Variants in FAM178B observed in about 807,000 individuals in gnomAD.
The protein encoded by FAM178B is protein FAM178B.
Under a neutral mutation model 91.7 loss-of-function variants are expected in FAM178B, and 82 were observed. The ratio of observed to expected loss-of-function variants is 0.89; its 90% confidence interval spans 0.75 to 1.07. FAM178B has a LOEUF of 1.07. Ranked by LOEUF, FAM178B falls within the 50% of genes least tolerant of loss-of-function variation. The pLI is 0.00. For synonymous variants in FAM178B, 368 were observed against 359.4 expected, an observed-to-expected ratio of 1.02 and a Z score of -0.27; for missense variants, 769 against 846.7, an observed-to-expected ratio of 0.91 and a Z score of 1.14.
chr2:96,966,314 T>A (rs1206248079), intron 5 of FAM178B, among the ~76,000 whole-genome samples: 1 of 151,882 alleles, frequency 6.6e-6, no homozygotes, highest in Non-Finnish European at 1.5e-5. Context: ...CCCTTCATCA[T>A]CAGAGCCCAC....
At chr2:96,978,934 C>A (rs1195203058) in intron 1 of FAM178B, among the ~76,000 whole-genome samples, 2 of 127,434 alleles carry the variant, frequency 1.6e-5, no homozygotes, top group South Asian at 2.8e-4. Context: ...CGATTTCATT[C>A]TTTTTTATGG....
chr2:96,973,456 C>G (rs1202831070), intron 1 of FAM178B, among the ~76,000 whole-genome samples: 2 of 152,152 alleles, frequency 1.3e-5, no homozygotes, highest in African/African-American at 2.4e-5. Context: ...GCTGGCCCAA[C>G]AAGCGTCCTC....
intron 12 of FAM178B, among the ~76,000 whole-genome samples, chr2:96,904,431 G>A (rs1292009647): frequency 6.6e-6 from 1 of 152,044 alleles, no homozygotes; most frequent in East Asian, 1.9e-4. Context: ...GAGTGCAATG[G>A]CATGATCTCG....
intron 7 of FAM178B, chr2:96,950,257 G>T: frequency 2.5e-6 from 2 of 808,130 alleles, no homozygotes; most frequent in Non-Finnish European, 3.0e-6. Context: ...GGGCTGCACC[G>T]CCAGCGTGGG....
chr2:96,909,889 A>T (rs1316122081), intron 12 of FAM178B, among the ~76,000 whole-genome samples: 1 of 152,112 alleles, frequency 6.6e-6, no homozygotes, highest in Non-Finnish European at 1.5e-5. Flanking sequence ...CTGTGAGTGG[A>T]GACAGAACTC....
At chr2:96,892,394 AC>A (rs2080703699) in intron 14 of FAM178B, among the ~76,000 whole-genome samples, 1 of 152,148 alleles carries the variant, frequency 6.6e-6, no homozygotes, top group African/African-American at 2.4e-5. Context: ...ACTGCCCTGG[AC>A]CAGTGCACCC....
Position 96,972,201 on chromosome 2 carries a change from A to C in FAM178B, c.264T>G (p.Ala88=). Residue 88 remains alanine, a synonymous_variant, in exon 3 of 17, where the codon GCT becomes GCG. Transcript: ENST00000490605. ...GCTTCTTTGGCGATGTGGGAGCTGG[A>C]GCCGAGGCAGGGCTGCAGGGCCGCC... ...PARRPCSPAS[A]PAPTSPKKPK... 1 of 1,546,108 alleles carries C rather than the reference A, an allele frequency of 6.5e-7. No homozygotes were observed. Among genetic ancestry groups the C allele is most frequent in the East Asian group, 2.4e-5 (1 of 40,872 alleles).
chr2:96,970,931 G>T (rs2082209082), intron 3 of FAM178B, among the ~76,000 whole-genome samples, 154 bp from the exon 4 acceptor site: 1 of 151,992 alleles, frequency 6.6e-6, no homozygotes, highest in African/African-American at 2.4e-5. Flanking sequence ...AAGTATAAAG[G>T]CGCAGGGTAA....
intron 1 of FAM178B, among the ~76,000 whole-genome samples, chr2:96,976,118 A>G (rs1407141540): frequency 6.7e-6 from 1 of 149,022 alleles, no homozygotes; most frequent in East Asian, 2.0e-4. Flanking sequence ...TTTTTGAGAG[A>G]GAGTGTTACT....
In FAM178B at chr2:96,921,230, C is replaced by T. The variant is rs1341321649; in HGVS notation, c.1497G>A (p.Val499=). 6.4e-7 allele frequency: 1 copy of T among 1,551,612 alleles called. No individual in the cohort carries two copies. The highest frequency in any genetic ancestry group is 8.7e-7 in the Non-Finnish European group (1 of 1,146,982). Residue 499 remains valine, a synonymous_variant, in exon 12 of 17, where the codon GTG becomes GTA. Transcript: ENST00000490605. ...CCAGCAGGTTGTGGTGGTGGTCAGA[C>T]ACCCAGCTCAGGGTGCAGCACAGTT... ...LQELCCTLSW[V]SDHHHNLLAL...
At chr2:96,912,703 GC>G (rs2081179312) in intron 12 of FAM178B, among the ~76,000 whole-genome samples, 1 of 152,162 alleles carries the variant, frequency 6.6e-6, no homozygotes, top group Admixed American at 6.5e-5. Flanking sequence ...TGGCCTGACC[GC>G]CGCCCACCTT....
chr2:96,972,492 C>T (rs777743207), intron 2 of FAM178B, 46 bp downstream of exon 2: 2 of 1,545,358 alleles, frequency 1.3e-6, no homozygotes, highest in Non-Finnish European at 1.8e-6. Flanking sequence ...TCCTCTCGCC[C>T]CCAAACCTCA....
chr2:96,931,857 T>G (rs1574267419), intron 8 of FAM178B, among the ~76,000 whole-genome samples: 2 of 137,540 alleles, frequency 1.5e-5, no homozygotes, highest in East Asian at 2.2e-4. Context: ...TGTTTGTTTG[T>G]TTTTTTTTTT....
At chr2:96,898,475 C>T (rs757767770) in intron 13 of FAM178B, among the ~76,000 whole-genome samples, 7 of 152,080 alleles carry the variant, frequency 4.6e-5, no homozygotes, top group Admixed American at 6.6e-5. Context: ...GTCAACATGG[C>T]GAAACCCTGC....
At position 96,986,505 on chromosome 2, in the gene FAM178B, T is replaced by C; in HGVS notation, c.-192A>G. On this transcript the variant is annotated 5_prime_UTR_variant, in exon 1 of 17. Transcript: ENST00000490605. The stretch of plus-strand genomic sequence containing the variant: ...AACCTAAAGATCCAGTTCTGGGGAT[T>C]GAGTTCCGACTCCAAACCAAGCGGC... 1 of 679,914 alleles carries C rather than the reference T, an allele frequency of 1.5e-6. No homozygotes were observed. The highest frequency in any genetic ancestry group is 2.4e-6 in the Non-Finnish European group (1 of 423,192). 42.1% of individuals were successfully genotyped at this position (679,914 alleles called of 1,614,324 possible).
chr2:96,909,030 C>T (rs971471078), intron 12 of FAM178B, among the ~76,000 whole-genome samples: 1 of 151,300 alleles, frequency 6.6e-6, no homozygotes, highest in Non-Finnish European at 1.5e-5. Flanking sequence ...GTAATGCCTG[C>T]TACTTGGGAG....
chr2:96,960,797 C>A (rs1347515348), intron 5 of FAM178B, among the ~76,000 whole-genome samples: 1 of 152,178 alleles, frequency 6.6e-6, no homozygotes, highest in Non-Finnish European at 1.5e-5. Flanking sequence ...AAACAAATCA[C>A]GGCAATCCCC....
intron 12 of FAM178B, among the ~76,000 whole-genome samples, chr2:96,905,564 A>AAAAAAG (rs1377076776): frequency 2.0e-5 from 3 of 150,622 alleles, no homozygotes; most frequent in Non-Finnish European, 3.0e-5. Flanking sequence ...CTCAAAAAAA[A>AAAAAAG]AAAAAGAAAA....
intron 8 of FAM178B, among the ~76,000 whole-genome samples, chr2:96,945,225 C>T (rs985402590): frequency 6.6e-6 from 1 of 152,202 alleles, no homozygotes; most frequent in African/African-American, 2.4e-5. Flanking sequence ...CTGACATGTA[C>T]ACGTGTTGCT....
Sources: gnomAD v4.1 joint callset for allele counts (sites outside exome capture counted in the v4.1 genomes callset) on GRCh38, gnomAD v4.1.1 for gene constraint, MANE v1.5 for transcripts, NCBI Gene and HGNC (gene_info 2026-07-23, HGNC 2026-07-21) for gene names.